Variants in ATP8A1 observed in about 807,000 individuals in gnomAD.
The protein encoded by ATP8A1 is ATPase phospholipid transporting 8A1.
A neutral mutation model predicts 177.7 loss-of-function variants in ATP8A1; 90 were observed. The ratio of observed to expected loss-of-function variants is 0.51; its 90% CI spans 0.43 to 0.60. The LOEUF (loss-of-function observed/expected upper bound fraction) is 0.60, where lower values mean the gene tolerates loss of function less well. Ranked by LOEUF, ATP8A1 falls within the 20% of genes least tolerant of loss-of-function variation. The pLI is 0.00. For synonymous variants in ATP8A1, 493 were observed against 485.9 expected (o/e 1.01, Z -0.19); for missense variants, 1,072 against 1,392.8 (o/e 0.77, Z 3.67).
At chr4:42,438,112 G>T (rs1311459322) in intron 33 of ATP8A1, among the ~76,000 whole-genome samples, 2 of 152,190 alleles carry the variant, frequency 1.3e-5, no homozygotes, top group African/African-American at 4.8e-5. Flanking sequence ...GAAGGGGAAA[G>T]AAAAGATGAG....
At chr4:42,435,621 GCCCACCTCACTGAC>G (rs1471235809) in intron 33 of ATP8A1, among the ~76,000 whole-genome samples, 3 of 152,104 alleles carry the variant, frequency 2.0e-5, no homozygotes, top group Admixed American at 1.3e-4. Flanking sequence ...TCCGCCCTCT[GCCCACCTCACTGAC>G]CCCACCTCAC....
chr4:42,462,437 C>T (rs1247753399), intron 27 of ATP8A1, among the ~76,000 whole-genome samples: 2 of 152,258 alleles, frequency 1.3e-5, no homozygotes, highest in African/African-American at 4.8e-5. Context: ...CGGGCAGTGG[C>T]TTCACAGGGT....
chr4:42,443,504 T>C, intron 33 of ATP8A1, 61 bp downstream of exon 33: 1 of 745,472 alleles, frequency 1.3e-6, no homozygotes, highest in African/African-American at 1.7e-5. Flanking sequence ...ACGATTAAGG[T>C]TTGCTAAAAA....
At chr4:42,557,710 T>TC (rs1357457002) in intron 15 of ATP8A1, among the ~76,000 whole-genome samples, 18 of 152,128 alleles carry the variant, frequency 1.2e-4, no homozygotes, top group African/African-American at 4.3e-4. Context: ...AAAGAACTCT[T>TC]CTTCTAGAAA....
intron 1 of ATP8A1, among the ~76,000 whole-genome samples, chr4:42,634,822 T>C (rs1323190584): frequency 6.6e-6 from 1 of 152,188 alleles, no homozygotes; most frequent in Non-Finnish European, 1.5e-5. Flanking sequence ...CAGATGTATG[T>C]TCAAATTCAG....
intron 33 of ATP8A1, among the ~76,000 whole-genome samples, chr4:42,429,408 G>A (rs1411191703): frequency 2.6e-5 from 4 of 151,592 alleles, no homozygotes; most frequent in African/African-American, 7.3e-5. Flanking sequence ...GTGGTTGTGG[G>A]GAGGTGAGGA....
At chr4:42,537,146 A>C (rs7674938) in intron 20 of ATP8A1, among the ~76,000 whole-genome samples, 1,645 of 145,544 alleles carry the variant, frequency 0.011, 33 homozygotes, top group African/African-American at 0.039. Context: ...AAAAAAAAAA[A>C]CAAAAAAACC....
At chr4:42,573,876 A>G (rs1371761127) in intron 14 of ATP8A1, among the ~76,000 whole-genome samples, 1 of 152,194 alleles carries the variant, frequency 6.6e-6, no homozygotes, top group Non-Finnish European at 1.5e-5. Context: ...TTCTAGGTAG[A>G]TAAGGATAAT....
intron 4 of ATP8A1, among the ~76,000 whole-genome samples, chr4:42,621,882 C>T (rs776429950): frequency 9.9e-5 from 15 of 152,108 alleles, no homozygotes; most frequent in Admixed American, 2.0e-4. Context: ...TAGGAGAACA[C>T]ACATAGACCA....
At chr4:42,628,721 A>G (rs1738386359) in intron 1 of ATP8A1, among the ~76,000 whole-genome samples, 1 of 152,072 alleles carries the variant, frequency 6.6e-6, no homozygotes, top group Non-Finnish European at 1.5e-5. Context: ...ATAGAGGGAG[A>G]TCAATCTTTA....
chr4:42,578,743 G>A (rs1732724115), intron 11 of ATP8A1, among the ~76,000 whole-genome samples: 1 of 152,042 alleles, frequency 6.6e-6, no homozygotes, highest in African/African-American at 2.4e-5. Flanking sequence ...AAATTCTTAA[G>A]AGTATTTCCA....
In ATP8A1 at chr4:42,411,438, C is replaced by T. The variant is rs1209668134; in HGVS notation, c.*1478G>A. On this transcript the variant is annotated 3_prime_UTR_variant, in exon 37 of 37. Coordinates refer to ENST00000381668, the MANE Select transcript of ATP8A1 (RefSeq NM_006095.2). ...GCTGGTAAGTCCATGTAAAGGCAAGCAGGCTTTTGAGTAAAAGGCAAATAG... is the reference window on the plus strand; with the variant it reads ...GCTGGTAAGTCCATGTAAAGGCAAGTAGGCTTTTGAGTAAAAGGCAAATAG... The T allele has an allele frequency of 6.6e-6, 1 of 152,102 alleles. No individual in the cohort carries two copies. The highest frequency in any genetic ancestry group is 1.5e-5 in the Non-Finnish European group (1 of 68,012). The allele number at this position is 152,102 out of a possible 1,614,324, so 9.4% of individuals were successfully genotyped here. A position where few individuals can be genotyped will look rare whatever the true frequency, so the allele number is the denominator to read the frequency against.
At position 42,585,042 on chromosome 4, in the gene ATP8A1, C is replaced by A. The variant is rs187637124; in HGVS notation, c.722+1307G>T. Among the ~76,000 whole-genome samples the A allele has an allele frequency of 1.9e-3, 285 of 152,250 alleles. 1 individual carries two copies. The highest frequency in any genetic ancestry group is 6.6e-3 in the African/African-American group (274 of 41,556). Reference sequence around the variant, plus strand: ...CCTAACATTCCACAATTATTCCAGGCACTTTTCCACTTGAAGATCATGTAA... The same window carrying A: ...CCTAACATTCCACAATTATTCCAGGAACTTTTCCACTTGAAGATCATGTAA... On this transcript the variant is annotated intron_variant, in intron 9 of 36. Transcript: ENST00000381668.
intron 33 of ATP8A1, among the ~76,000 whole-genome samples, chr4:42,441,458 T>C (rs184531602): frequency 2.6e-5 from 4 of 152,320 alleles, no homozygotes; most frequent in Admixed American, 2.6e-4. Flanking sequence ...AACTGAGTTG[T>C]AATGTAACAT....
chr4:42,601,931 ATTAT>A (rs542564342), intron 5 of ATP8A1, among the ~76,000 whole-genome samples: 2 of 152,288 alleles, frequency 1.3e-5, no homozygotes, highest in African/African-American at 4.8e-5. Flanking sequence ...CACAATATAA[ATTAT>A]TTAAATTAAA....
chr4:42,636,848 T>C (rs1027333037), intron 1 of ATP8A1, among the ~76,000 whole-genome samples: 2 of 152,176 alleles, frequency 1.3e-5, no homozygotes, highest in African/African-American at 4.8e-5. Context: ...GTCAGTCAAT[T>C]TGCCATCTGG....
chr4:42,423,403 TTC>T (rs1714216659), intron 34 of ATP8A1, among the ~76,000 whole-genome samples: 1 of 152,338 alleles, frequency 6.6e-6, no homozygotes, highest in African/African-American at 2.4e-5. Flanking sequence ...CCATTTACTT[TTC>T]TCTGTTAACT....
intron 15 of ATP8A1, among the ~76,000 whole-genome samples, chr4:42,564,329 C>T (rs1229327288): frequency 1.3e-5 from 2 of 152,090 alleles, no homozygotes; most frequent in Non-Finnish European, 2.9e-5. Context: ...TGCTAGATCC[C>T]AGTGGATCTA....
chr4:42,634,447 T>C (rs1174340750), intron 1 of ATP8A1, among the ~76,000 whole-genome samples: 1 of 152,230 alleles, frequency 6.6e-6, no homozygotes, highest in African/African-American at 2.4e-5. Flanking sequence ...AATTAACCAC[T>C]TAATGAATAG....
Sources: gnomAD v4.1 joint callset for allele counts (sites outside exome capture counted in the v4.1 genomes callset) on GRCh38, gnomAD v4.1.1 for gene constraint, MANE v1.5 for transcripts, NCBI Gene and HGNC (gene_info 2026-07-23, HGNC 2026-07-21) for gene names.